The following AQR variants were observed in gnomAD, a reference collection of about 807,000 sequenced individuals.
AQR encodes aquarius intron-binding spliceosomal factor.
AQR carries 61 observed loss-of-function variants against 180.5 expected under a neutral mutation model. The observed-to-expected ratio is 0.34, with a 90% CI of 0.28 to 0.42. AQR has a LOEUF of 0.42. AQR is among the 10% of genes least tolerant of loss of function. The pLI is 1.00. For missense variants in AQR, 1,281 were observed against 1,798.3 expected, an observed-to-expected ratio of 0.71 and a Z score of 5.20; for synonymous variants, 551 against 588.8, an observed-to-expected ratio of 0.94 and a Z score of 0.93.
Position 34,853,815 on chromosome 15 carries a change from A to C in AQR, c.*2977T>G, listed in dbSNP as rs1025130613. On this transcript the variant is annotated 3_prime_UTR_variant, in exon 35 of 35. Transcript: ENST00000156471. ...AAACAGATCTTTTTCCTTTATTTACAGATAAAGAAAATGGGCTTAGAGAGG... is the reference window on the plus strand; with the variant it reads ...AAACAGATCTTTTTCCTTTATTTACCGATAAAGAAAATGGGCTTAGAGAGG... 5.3e-5 allele frequency: 8 copies of C among 152,220 alleles called. 1 individual carries two copies. In the East Asian group the frequency reaches 1.5e-3, roughly 29 times the overall value. 9.4% of individuals were successfully genotyped at this position (152,220 alleles called of 1,614,324 possible).
At position 34,882,490 on chromosome 15, in the gene AQR, A is replaced by T; in HGVS notation, c.3165+12T>A. 1 of 1,490,754 alleles carries T rather than the reference A, an allele frequency of 6.7e-7. No homozygotes were observed. The highest frequency in any genetic ancestry group is 1.4e-5 in the South Asian group (1 of 70,636). The allele number at this position is 1,490,754 out of a possible 1,614,324, so 92.3% of individuals were successfully genotyped here. A position where few individuals can be genotyped will look rare whatever the true frequency, so the allele number is the denominator to read the frequency against. ...TAAAAAAAAAAAAAAAAAAACTACC[A>T]TAAGTCTTTACCTTGAAACCTAGCT... On this transcript the variant is annotated intron_variant, in intron 27 of 34. Coordinates refer to ENST00000156471, the MANE Select transcript of AQR (RefSeq NM_014691.3).
In AQR at chr15:34,960,805, C is replaced by T; in HGVS notation, c.142G>A (p.Asp48Asn). 1 of 880,410 alleles carries T rather than the reference C, an allele frequency of 1.1e-6. No homozygotes were observed. Among genetic ancestry groups the T allele is most frequent in the Non-Finnish European group, 1.7e-6 (1 of 577,820 alleles). The allele number at this position is 880,410 out of a possible 1,614,324, so 54.5% of individuals were successfully genotyped here. A position where few individuals can be genotyped will look rare whatever the true frequency, so the allele number is the denominator to read the frequency against. The change falls in exon 3 of 35, where the codon GAT becomes AAT. Residue 48 changes from aspartate to asparagine, a missense_variant. By Grantham distance (23) the Asp-to-Asn change is conservative. Transcript: ENST00000156471. Reference sequence around the variant, plus strand: ...TTGACAATCTCTTTTTCATATATATCTTCAATAACCTGTTATAAAAATATA... The same window carrying T: ...TTGACAATCTCTTTTTCATATATATTTTCAATAACCTGTTATAAAAATATA... ...KSPFDIKVIE[D>N]IYEKEIVKSR...
rs968689712 is a variant in AQR at position 34,852,070 on chromosome 15, G to A, written c.*4722C>T. On this transcript the variant is annotated 3_prime_UTR_variant, in exon 35 of 35. Transcript: ENST00000156471. ...CTGTTACTTCACCCTCTGGTTACCTGTAGGGAAAAAAAATGTATTTTGGGG... is the reference window on the plus strand; with the variant it reads ...CTGTTACTTCACCCTCTGGTTACCTATAGGGAAAAAAAATGTATTTTGGGG... 6.6e-6 allele frequency: 1 copy of A among 151,464 alleles called. No individual in the cohort carries two copies. The highest frequency in any genetic ancestry group is 1.5e-5 in the Non-Finnish European group (1 of 67,958). The allele number at this position is 151,464 out of a possible 1,614,324, so 9.4% of individuals were successfully genotyped here. A position where few individuals can be genotyped will look rare whatever the true frequency, so the allele number is the denominator to read the frequency against.
At chr15:34,966,623 C>T (rs554350379) in intron 1 of AQR, among the ~76,000 whole-genome samples, 1 of 152,280 alleles carries the variant, frequency 6.6e-6, no homozygotes, top group South Asian at 2.1e-4. Context: ...CTGTTTTATT[C>T]CCCATGTACT....
At chr15:34,903,084 A>C (rs947693113) in intron 19 of AQR, among the ~76,000 whole-genome samples, 2 of 152,154 alleles carry the variant, frequency 1.3e-5, no homozygotes, top group Non-Finnish European at 2.9e-5. Context: ...ACATTGAAAA[A>C]CAGTTGCCCA....
intron 32 of AQR, among the ~76,000 whole-genome samples, chr15:34,865,815 T>A (rs1403647138): frequency 2.6e-5 from 4 of 152,176 alleles, no homozygotes; most frequent in Admixed American, 2.0e-4. Flanking sequence ...AGACCACATA[T>A]TATATGATTC....
At chr15:34,872,927 C>A (rs995185230) in intron 30 of AQR, among the ~76,000 whole-genome samples, 1 of 152,078 alleles carries the variant, frequency 6.6e-6, no homozygotes, top group Admixed American at 6.6e-5. Flanking sequence ...GCTGCCAGGT[C>A]ATTTTGTATA....
chr15:34,891,718 T>C (rs1423087591), intron 23 of AQR, among the ~76,000 whole-genome samples: 1 of 152,122 alleles, frequency 6.6e-6, no homozygotes, highest in African/African-American at 2.4e-5. Flanking sequence ...AATAGGTTTT[T>C]ACAGAACAAA....
chr15:34,900,177 G>A (rs1018869095), intron 20 of AQR, among the ~76,000 whole-genome samples: 2 of 152,056 alleles, frequency 1.3e-5, no homozygotes, highest in African/African-American at 4.8e-5. Flanking sequence ...ATATGCATGA[G>A]CCATCATACC....
At chr15:34,918,186 T>C (rs1176750240) in intron 15 of AQR, 72 bp downstream of exon 15, 1 of 1,538,716 alleles carries the variant, frequency 6.5e-7, no homozygotes, top group Non-Finnish European at 8.8e-7. Flanking sequence ...ACACTGCCTA[T>C]AATTGCCAAT....
intron 24 of AQR, 65 bp from the exon 25 acceptor site, chr15:34,886,726 CAA>C: frequency 1.4e-6 from 2 of 1,467,526 alleles, no homozygotes; most frequent in Non-Finnish European, 9.1e-7. Context: ...AAACAATCAG[CAA>C]AATTCAAGAA....
chr15:34,912,596 T>C (rs1481366758), intron 16 of AQR, among the ~76,000 whole-genome samples: 2 of 151,996 alleles, frequency 1.3e-5, no homozygotes, highest in Non-Finnish European at 2.9e-5. Context: ...AAAAACCTCC[T>C]TTAGAGCATA....
At chr15:34,874,609 T>C in intron 29 of AQR, 68 bp downstream of exon 29, 3 of 1,570,396 alleles carry the variant, frequency 1.9e-6, no homozygotes, top group Non-Finnish European at 2.6e-6. Flanking sequence ...CAAAAGCTAT[T>C]CACAAATACT....
At position 34,870,734 on chromosome 15, in the gene AQR, T is replaced by C. The variant is rs1337135719; in HGVS notation, c.3768+18A>G. 1.9e-6 allele frequency: 3 copies of C among 1,600,732 alleles called. No homozygotes were observed. The highest frequency in any genetic ancestry group is 2.7e-5 in the African/African-American group (2 of 74,430). On this transcript the variant is annotated intron_variant, in intron 31 of 34. Transcript: ENST00000156471. Reference sequence around the variant, plus strand: ...CCAAAATGATGAATAAGAGAACATATTATAATTATAAAAGTACCTTGTTTG... The same window carrying C: ...CCAAAATGATGAATAAGAGAACATACTATAATTATAAAAGTACCTTGTTTG...
chr15:34,932,682 G>T (rs191974988), intron 10 of AQR, among the ~76,000 whole-genome samples: 3 of 152,246 alleles, frequency 2.0e-5, no homozygotes, highest in South Asian at 2.1e-4. Context: ...AATAAAGGCC[G>T]GGCGCGGTGG....
At chr15:34,858,411 A>G (rs189531750) in intron 34 of AQR, among the ~76,000 whole-genome samples, 1 of 152,248 alleles carries the variant, frequency 6.6e-6, no homozygotes, top group Admixed American at 6.5e-5. Context: ...GTTGAAAACT[A>G]CAAAATCCTG....
intron 19 of AQR, 94 bp from the exon 20 acceptor site, chr15:34,900,957 T>C: frequency 1.4e-6 from 2 of 1,456,578 alleles, no homozygotes; most frequent in Non-Finnish European, 9.1e-7. Context: ...TAATCCAGAA[T>C]TCCCGAGTGT....
At chr15:34,926,751 G>A (rs747335682) in intron 13 of AQR, among the ~76,000 whole-genome samples, 1 of 151,976 alleles carries the variant, frequency 6.6e-6, no homozygotes, top group African/African-American at 2.4e-5. Context: ...GTCATATGTC[G>A]TTTATGACTG....
At chr15:34,877,693 ATT>A in intron 27 of AQR, among the ~76,000 whole-genome samples, 1 of 152,366 alleles carries the variant, frequency 6.6e-6, no homozygotes, top group Middle Eastern at 3.4e-3. Context: ...ATATTTACAG[ATT>A]TTGTTTTTTA....
Sources: allele counts gnomAD v4.1 joint callset (sites outside exome capture counted in the v4.1 genomes callset), GRCh38; gene constraint gnomAD v4.1.1; transcripts MANE v1.5; gene names NCBI Gene and HGNC (gene_info 2026-07-23, HGNC 2026-07-21).